The following PPFIA2 variants were observed in gnomAD, a reference collection of about 807,000 sequenced individuals.
PPFIA2 encodes the protein PPFI scaffold protein A2.
In PPFIA2, 46 loss-of-function variants were observed where a neutral mutation model predicts 175.5. The ratio of observed to expected loss-of-function variants is 0.26; its 90% CI spans 0.21 to 0.34. The LOEUF is 0.34. Ranked by LOEUF, PPFIA2 falls within the 10% of genes least tolerant of loss-of-function variation. The pLI is 1.00. For missense variants in PPFIA2, 1,179 were observed against 1,506.1 expected (o/e 0.78, Z 3.60); for synonymous variants, 568 against 511.4 (o/e 1.11, Z -1.49).
intron 7 of PPFIA2, among the ~76,000 whole-genome samples, chr12:81,434,404 G>T (rs2048624989): frequency 6.6e-6 from 1 of 151,990 alleles, no homozygotes; most frequent in Non-Finnish European, 1.5e-5. Flanking sequence ...CAGCAAAAGA[G>T]ATAAGCAATA....
chr12:81,675,063 C>T lies in PPFIA2; in HGVS notation c.303+1728G>A, dbSNP rs117957398. ...GCACAATCATTGAAACTTCAGAAAA[C>T]GTAAGTATAAAATAACCATCATGGT... On this transcript the variant is annotated intron_variant, in intron 4 of 32. Coordinates refer to ENST00000549396, the MANE Select transcript of PPFIA2 (RefSeq NM_003625.5). Among the ~76,000 whole-genome samples, 168 of 151,882 alleles carry T rather than the reference C, an allele frequency of 1.1e-3. 1 individual carries two copies. Among genetic ancestry groups the T allele is most frequent in the Middle Eastern group, 6.8e-3 (2 of 294 alleles).
intron 23 of PPFIA2, among the ~76,000 whole-genome samples, chr12:81,297,232 G>A (rs2046687092): frequency 6.6e-6 from 1 of 152,168 alleles, no homozygotes; most frequent in South Asian, 2.1e-4. Flanking sequence ...AGCCCTGTGA[G>A]AGACTCTGAG....
intron 22 of PPFIA2, chr12:81,312,064 T>C (rs1364025951): frequency 2.5e-6 from 3 of 1,204,094 alleles, no homozygotes; most frequent in East Asian, 5.1e-5. Context: ...GCAGTGCAGC[T>C]TGTGTTACAA....
chr12:81,310,262 C>T (rs994557175), intron 22 of PPFIA2, among the ~76,000 whole-genome samples: 2 of 152,080 alleles, frequency 1.3e-5, no homozygotes, highest in Admixed American at 1.3e-4. Flanking sequence ...CTTCTGATTC[C>T]TAATTCAGTG....
intron 4 of PPFIA2, among the ~76,000 whole-genome samples, chr12:81,642,702 A>ATG (rs1567687280): frequency 0.51 from 3,805 of 7,394 alleles, 1,507 homozygotes; most frequent in African/African-American, 0.68. Flanking sequence ...ACATACATGT[A>ATG]TATGTATGTA....
chr12:81,497,708 T>C (rs1163978475), intron 4 of PPFIA2, among the ~76,000 whole-genome samples: 1 of 151,914 alleles, frequency 6.6e-6, no homozygotes, highest in Non-Finnish European at 1.5e-5. Flanking sequence ...TCCAGCTAAT[T>C]TTGTATTTTT....
intron 32 of PPFIA2, 145 bp downstream of exon 32, chr12:81,261,804 T>G: frequency 1.8e-6 from 1 of 565,580 alleles, no homozygotes; most frequent in Admixed American, 3.1e-5. Context: ...TATGAAGATT[T>G]CTTTTTCCCC....
intron 3 of PPFIA2, among the ~76,000 whole-genome samples, chr12:81,699,034 TC>T (rs773171892): frequency 9.9e-5 from 15 of 152,086 alleles, no homozygotes; most frequent in Non-Finnish European, 1.2e-4. Context: ...ATCACATATT[TC>T]ACTATCAAGT....
At chr12:81,635,920 T>TCACA (rs3220848) in intron 4 of PPFIA2, among the ~76,000 whole-genome samples, 13,246 of 150,700 alleles carry the variant, frequency 0.088, 802 homozygotes, top group Middle Eastern at 0.12. Context: ...TCTCTCTCTC[T>TCACA]CACACACACA....
At chr12:81,329,725 C>A (rs1181499915) in intron 21 of PPFIA2, among the ~76,000 whole-genome samples, 1 of 152,176 alleles carries the variant, frequency 6.6e-6, no homozygotes, top group Non-Finnish European at 1.5e-5. Context: ...TCAAAGAAAA[C>A]CCTGAAGGGG....
At chr12:81,432,104 A>C (rs537386990) in intron 7 of PPFIA2, among the ~76,000 whole-genome samples, 1 of 86,814 alleles carries the variant, frequency 1.2e-5, no homozygotes, top group East Asian at 7.1e-4. Flanking sequence ...AAACAAGATA[A>C]ATAATTAGTT....
intron 4 of PPFIA2, among the ~76,000 whole-genome samples, chr12:81,606,148 T>C (rs1041150473): frequency 1.3e-5 from 2 of 151,972 alleles, no homozygotes; most frequent in African/African-American, 4.8e-5. Flanking sequence ...AAGGACAAGA[T>C]TAATTATTTT....
At chr12:81,682,263 G>A in intron 3 of PPFIA2, among the ~76,000 whole-genome samples, 1 of 151,908 alleles carries the variant, frequency 6.6e-6, no homozygotes, top group Non-Finnish European at 1.5e-5. Context: ...GGCCATATGA[G>A]AACACAAGAA....
At chr12:81,463,852 A>G (rs1316344621) in intron 4 of PPFIA2, among the ~76,000 whole-genome samples, 1 of 152,188 alleles carries the variant, frequency 6.6e-6, no homozygotes, top group Non-Finnish European at 1.5e-5. Flanking sequence ...TATTTAAAAA[A>G]AGAGGAAAAT....
chr12:81,592,948 G>T (rs562112426), intron 4 of PPFIA2, among the ~76,000 whole-genome samples: 2 of 151,814 alleles, frequency 1.3e-5, no homozygotes, highest in Non-Finnish European at 2.9e-5. Flanking sequence ...GATAGAGACG[G>T]GGTTTCTCTG....
intron 4 of PPFIA2, among the ~76,000 whole-genome samples, chr12:81,502,202 G>A (rs2060661245): frequency 6.6e-6 from 1 of 152,056 alleles, no homozygotes; most frequent in African/African-American, 2.4e-5. Context: ...GTAAGTAGTT[G>A]AACTTAATTC....
chr12:81,291,228 C>T (rs2044880162), intron 24 of PPFIA2, among the ~76,000 whole-genome samples: 1 of 151,794 alleles, frequency 6.6e-6, no homozygotes, highest in African/African-American at 2.4e-5. Context: ...AAATGTTATA[C>T]AGGATCATGT....
At chr12:81,391,897 G>A (rs1372084988) in intron 8 of PPFIA2, among the ~76,000 whole-genome samples, 1 of 151,824 alleles carries the variant, frequency 6.6e-6, no homozygotes, top group African/African-American at 2.4e-5. Context: ...AGAATGGACT[G>A]GACTAAATAA....
chr12:81,627,727 G>T (rs2062884317), intron 4 of PPFIA2, among the ~76,000 whole-genome samples: 1 of 152,090 alleles, frequency 6.6e-6, no homozygotes, highest in Non-Finnish European at 1.5e-5. Context: ...CATATTAAAC[G>T]TTGCAGAGGT....
Sources: allele counts gnomAD v4.1 joint callset (sites outside exome capture counted in the v4.1 genomes callset), GRCh38; gene constraint gnomAD v4.1.1; transcripts MANE v1.5; gene names NCBI Gene and HGNC (gene_info 2026-07-23, HGNC 2026-07-21).